Variants in NBPF19 observed in about 807,000 individuals in gnomAD.
The protein encoded by NBPF19 is NBPF family member NBPF19.
NBPF19 carries 30 observed loss-of-function variants against 45.9 expected under a neutral mutation model. The observed-to-expected ratio is 0.65, with a 90% CI of 0.49 to 0.89. The LOEUF (loss-of-function observed/expected upper bound fraction) is 0.89. Ranked by LOEUF, NBPF19 falls within the 40% of genes least tolerant of loss-of-function variation. The probability of loss-of-function intolerance (pLI) is 0.00; values close to 1 mark genes in which losing one functional copy is unlikely to be tolerated. For missense variants in NBPF19, 495 were observed against 471.8 expected, an observed-to-expected ratio of 1.05 and a Z score of -0.46; for synonymous variants, 183 against 181.2, an observed-to-expected ratio of 1.01 and a Z score of -0.08.
At chr1:149,521,022 T>G (rs1314358873) in intron 51 of NBPF19, among the ~76,000 whole-genome samples, 1 of 53,454 alleles carries the variant, frequency 1.9e-5, no homozygotes, top group Non-Finnish European at 4.2e-5. Flanking sequence ...AGTGTCCTTT[T>G]ACTCCCTTAC....
chr1:149,487,381 C>G lies in NBPF19; in HGVS notation c.1038C>G (p.Pro346=). 1.3e-6 allele frequency: 2 copies of G among 1,530,360 alleles called. No homozygotes were observed. The highest frequency in any genetic ancestry group is 2.0e-4 in the Middle Eastern group (1 of 4,928). The allele number at this position is 1,530,360 out of a possible 1,614,324, so 94.8% of individuals were successfully genotyped here. ...AGGAGGACCAAGAGGCAACAGGTCC[C>G]AGGTGAGTCTGAGAAATTGTGGACA... The part of the protein sequence containing the change: ...VKKEDQEATG[P]RLSRELLDEK... Residue 346 remains proline, a splice_region_variant and synonymous_variant, in exon 9 of 94, where the codon CCC becomes CCG. Coordinates refer to ENST00000651566, the MANE Select transcript of NBPF19 (RefSeq NM_001351365.2).
rs1434799193 is a variant in NBPF19 at position 149,478,024 on chromosome 1, G to A, written c.255G>A (p.Gln85=). 5.1e-6 allele frequency: 8 copies of A among 1,558,598 alleles called. 1 individual carries two copies. The African/African-American group carries it at 1.1e-4, about 21-fold the overall frequency. The change falls in exon 3 of 94, where the codon CAG becomes CAA. Residue 85 remains glutamine (Q), a synonymous_variant. Transcript: ENST00000651566. ...RQFKEEKLAE[Q]LKQAEELRQY... is the part of the protein sequence containing the mutation. ...TCAAGGAGGAGAAGCTTGCAGAGCA[G>A]CTGAAGCAAGCTGAGGAGCTCAGGT...
chr1:149,480,073 A>G (rs1369241612), intron 4 of NBPF19, 69 bp from the exon 5 acceptor site: 1 of 647,606 alleles, frequency 1.5e-6, no homozygotes, highest in Non-Finnish European at 2.8e-6. Context: ...TCTCTGTTGC[A>G]CATTGGGCTG....
chr1:149,480,357 C>G (rs1451144200), intron 5 of NBPF19, 143 bp downstream of exon 5: 9 of 863,868 alleles, frequency 1.0e-5, no homozygotes, highest in Non-Finnish European at 1.8e-5. Flanking sequence ...AGCTTAGACA[C>G]AGGGTGCGGT....
chr1:149,475,545 G>A lies in NBPF19; in HGVS notation c.-286G>A. The A allele has an allele frequency of 1.2e-6, 1 of 817,338 alleles. No individual in the cohort carries two copies. The highest frequency in any genetic ancestry group is 1.7e-5 in the South Asian group (1 of 58,720). The allele number at this position is 817,338 out of a possible 1,614,324, so 50.6% of individuals were successfully genotyped here. ...GGTGGTGACCCTCAGGTGAAAGTAGGGTGCCTGTGTTTCAGCAAAGCCTGG... is the reference window on the plus strand; with the variant it reads ...GGTGGTGACCCTCAGGTGAAAGTAGAGTGCCTGTGTTTCAGCAAAGCCTGG... On this transcript the variant is annotated 5_prime_UTR_variant, in exon 1 of 94. Coordinates refer to ENST00000651566, the MANE Select transcript of NBPF19 (RefSeq NM_001351365.2).
chr1:149,554,942 C>T lies in NBPF19; in HGVS notation c.*204C>T, dbSNP rs1391319412. 1.7e-5 allele frequency: 15 copies of T among 871,910 alleles called. No homozygotes were observed. Among genetic ancestry groups the T allele is most frequent in the African/African-American group, 1.2e-4 (7 of 59,472 alleles). 54.0% of individuals were successfully genotyped at this position (871,910 alleles called of 1,614,324 possible). ...GGACCCACGTTAGGTGTGACACGTTCACATAACTGTGCAGCACATGCCGGG... is the reference window on the plus strand; with the variant it reads ...GGACCCACGTTAGGTGTGACACGTTTACATAACTGTGCAGCACATGCCGGG... On this transcript the variant is annotated 3_prime_UTR_variant, in exon 94 of 94. Transcript: ENST00000651566.
At chr1:149,487,866 A>G in intron 9 of NBPF19, 147 bp from the exon 10 acceptor site, 1 of 706,978 alleles carries the variant, frequency 1.4e-6, no homozygotes, top group Non-Finnish European at 2.6e-6. Context: ...AGTCTATCCC[A>G]ACATAAAGGC....
At chr1:149,538,437 G>T (rs1398017798) in intron 73 of NBPF19, among the ~76,000 whole-genome samples, 5 of 25,212 alleles carry the variant, frequency 2.0e-4, no homozygotes, top group Non-Finnish European at 3.2e-4. Flanking sequence ...CTCTCTCTCT[G>T]TGTGTGTGTG....
rs1177065525 is a variant in NBPF19 at position 149,554,724 on chromosome 1, A to C, written c.11518A>C (p.Ile3840Leu). The C allele has an allele frequency of 1.5e-5, 24 of 1,608,098 alleles. 2 individuals are homozygous for C. Among genetic ancestry groups the C allele is most frequent in the Admixed American group, 8.3e-5 (5 of 59,882 alleles). Residue 3840 changes from isoleucine to leucine, a missense_variant, in exon 94 of 94, where the codon ATA becomes CTA. Around this residue, in one of 8 missense-constraint regions of NBPF19, gnomAD observed 248 missense variants for 95.4 expected, o/e 2.60. Transcript: ENST00000651566. ...SLHLVFQMLV[I>L]FPQ ...CCATCTGGTGTTCCAGATGTTAGTC[A>C]TATTCCCACAATAGGCAGCCCTTAC...
chr1:149,480,276 A>G (rs1181617707), intron 5 of NBPF19, 62 bp downstream of exon 5: 1 of 622,058 alleles, frequency 1.6e-6, no homozygotes, highest in African/African-American at 1.9e-5. Flanking sequence ...TCTAGGAGGC[A>G]CACCCTCTCT....
At chr1:149,477,811 T>A in intron 2 of NBPF19, 134 bp from the exon 3 acceptor site, 2 of 858,818 alleles carry the variant, frequency 2.3e-6, no homozygotes, top group Middle Eastern at 3.6e-4. Flanking sequence ...AATAAAGATG[T>A]GGAAATCCCT....
chr1:149,487,775 C>G (rs1477540888), intron 9 of NBPF19, among the ~76,000 whole-genome samples: 19 of 128,682 alleles, frequency 1.5e-4, no homozygotes, highest in African/African-American at 5.3e-4. Context: ...TGAGCTCGCT[C>G]TGTGTGTGTG....
rs2085613005 is a variant in NBPF19, at chr1:149,487,483, T to G, written c.1040+100T>G. 3 of 989,862 alleles carry G rather than the reference T, an allele frequency of 3.0e-6. No individual in the cohort carries two copies. In the South Asian group the frequency reaches 3.8e-5, roughly 13 times the overall value. The allele number at this position is 989,862 out of a possible 1,614,324, so 61.3% of individuals were successfully genotyped here. ...TGCTGAAAATAATGATTTTGTCTTG[T>G]CAGACAAGTCTGAATTATGCCTAAT... On this transcript the variant is annotated intron_variant, in intron 9 of 93. Transcript: ENST00000651566.
At chr1:149,487,805 G>GTGTGTGTGTT (rs1553710678) in intron 9 of NBPF19, among the ~76,000 whole-genome samples, 3,996 of 148,082 alleles carry the variant, frequency 0.027, 76 homozygotes, top group Middle Eastern at 0.041. Flanking sequence ...GTGTGTGTGT[G>GTGTGTGTGTT]TGTGTGTGTG....
chr1:149,554,662 T>A lies in NBPF19; in HGVS notation c.11456T>A (p.Leu3819Ter). The change falls in exon 94 of 94, where the codon TTG becomes TAG. Residue 3819 changes from leucine to a stop codon, truncating the protein, a stop_gained. Transcript: ENST00000651566. LOFTEE classifies it low-confidence loss of function (END_TRUNC). Reference protein sequence around the residue: ...EEEHISFALYLDNRFFTLTVT... With the variant: ...EEEHISFALY ...GAGCATATCAGCTTCGCCCTTTACTTGGACAATAGGTTTTTTACTTTGACG... is the reference window on the plus strand; with the variant it reads ...GAGCATATCAGCTTCGCCCTTTACTAGGACAATAGGTTTTTTACTTTGACG... The A allele has an allele frequency of 1.2e-6, 2 of 1,608,258 alleles. No individual in the cohort carries two copies. The highest frequency in any genetic ancestry group is 1.7e-6 in the Non-Finnish European group (2 of 1,176,728).
chr1:149,487,379 C>T lies in NBPF19; in HGVS notation c.1036C>T (p.Pro346Ser). ...VKKEDQEATG[P>S]RLSRELLDEK... is the part of the protein sequence containing the mutation. Reference sequence around the variant, plus strand: ...AAAGGAGGACCAAGAGGCAACAGGTCCCAGGTGAGTCTGAGAAATTGTGGA... The same window carrying T: ...AAAGGAGGACCAAGAGGCAACAGGTTCCAGGTGAGTCTGAGAAATTGTGGA... The change falls in exon 9 of 94, where the codon CCC becomes TCC. Residue 346 changes from proline (P) to serine (S), a missense_variant. Physicochemically the swap from Pro to Ser is moderately conservative, Grantham distance 74. Around this residue, in one of 8 missense-constraint regions of NBPF19, gnomAD observed 146 missense variants for 67.3 expected, o/e 2.17. Coordinates refer to ENST00000651566, the MANE Select transcript of NBPF19 (RefSeq NM_001351365.2). The T allele has an allele frequency of 6.5e-7, 1 of 1,536,878 alleles. No individual in the cohort carries two copies. The highest frequency in any genetic ancestry group is 8.9e-7 in the Non-Finnish European group (1 of 1,123,466).
At chr1:149,494,204 G>C (rs2085995689) in intron 17 of NBPF19, 114 bp from the exon 18 acceptor site, 1 of 425,420 alleles carries the variant, frequency 2.4e-6, no homozygotes, top group Non-Finnish European at 4.0e-6. Context: ...CCTCATTAAT[G>C]GATCTGTCCT....
rs2087202124 is a variant in NBPF19 at position 149,554,685 on chromosome 1, A to G, written c.11479A>G (p.Thr3827Ala). 6.2e-7 allele frequency: 1 copy of G among 1,608,274 alleles called. No individual in the cohort carries two copies. Among genetic ancestry groups the G allele is most frequent in the Non-Finnish European group, 8.5e-7 (1 of 1,176,734 alleles). The change falls in exon 94 of 94, where the codon ACG (threonine) becomes GCG (alanine). Residue 3827 changes from threonine to alanine, a missense_variant. By Grantham distance (58) the Thr-to-Ala change is moderately conservative (BLOSUM62 0). Coordinates refer to ENST00000651566, the MANE Select transcript of NBPF19 (RefSeq NM_001351365.2). ...CTTGGACAATAGGTTTTTTACTTTG[A>G]CGGTGACAAGTCTCCATCTGGTGTT... Reference protein sequence around the residue: ...LYLDNRFFTLTVTSLHLVFQM... With the variant: ...LYLDNRFFTLAVTSLHLVFQM...
In NBPF19 at chr1:149,477,420, A is replaced by T. The variant is rs1207011509; in HGVS notation, c.176-525A>T. 1.5e-4 allele frequency among the ~76,000 whole-genome samples: 23 copies of T among 151,356 alleles called. 1 individual carries two copies. The highest frequency in any genetic ancestry group is 1.3e-3 in the Admixed American group (20 of 15,164). ...TTCCTTCATGGCCTTATTGTCTTAT[A>T]TCTCACACTTTATGCTTCAGATATG... On this transcript the variant is annotated intron_variant, in intron 2 of 93. Transcript: ENST00000651566.
Sources: allele counts gnomAD v4.1 joint callset (sites outside exome capture counted in the v4.1 genomes callset), GRCh38; gene constraint gnomAD v4.1.1; regional missense constraint gnomAD v4.1.1; transcripts MANE v1.5; gene names NCBI Gene and HGNC (gene_info 2026-07-23, HGNC 2026-07-21).